Variants in PRKN observed in about 807,000 individuals in gnomAD.
PRKN encodes the protein E3 ubiquitin-protein ligase parkin.
A neutral mutation model predicts 59.5 loss-of-function variants in PRKN; 56 were observed. The observed-to-expected ratio is 0.94, with a 90% CI of 0.76 to 1.18. The LOEUF is 1.18. Among genes scored for constraint, PRKN ranks in the 50% most tolerant of loss-of-function variants. PRKN has a pLI of 0.00. For missense variants in PRKN, 657 were observed against 596.4 expected (o/e 1.10, Z -1.06); for synonymous variants, 250 against 222.1 (o/e 1.13, Z -1.12).
At chr6:162,534,599 T>C (rs866588685) in intron 1 of PRKN, among the ~76,000 whole-genome samples, 6 of 152,076 alleles carry the variant, frequency 3.9e-5, no homozygotes, top group Non-Finnish European at 7.4e-5. Context: ...CTTCAGGGAG[T>C]AATTAAATCA....
rs1178833024 is a variant in PRKN at position 161,410,876 on chromosome 6, C to A, written c.1084-23999G>T. 6.6e-6 allele frequency among the ~76,000 whole-genome samples: 1 copy of A among 152,014 alleles called. No homozygotes were observed. The highest frequency in any genetic ancestry group is 2.4e-5 in the African/African-American group (1 of 41,364). The stretch of plus-strand genomic sequence containing the variant: ...ACCAAGCAAAGCAACTCATCACCTA[C>A]CCATAAGAATAACAGAAAGGGCCAC... On this transcript the variant is annotated intron_variant, in intron 9 of 11. Transcript: ENST00000366898. The surrounding 1 kb of genome is among the most constrained non-coding windows in gnomAD (Gnocchi z 5.3).
rs1369125880 is a variant in PRKN, at chr6:162,273,236, T to C, written c.172-10471A>G. On this transcript the variant is annotated intron_variant, in intron 2 of 11. Transcript: ENST00000366898. ...GTGAAAATGGTTACCTATGAGGGAG[T>C]AGGGAAATGGGTTAAAGGGATCGAA... Among the ~76,000 whole-genome samples, 4 of 151,632 alleles carry C rather than the reference T, an allele frequency of 2.6e-5. No homozygotes were observed. The East Asian group carries it at 7.8e-4, about 29-fold the overall frequency.
intron 1 of PRKN, among the ~76,000 whole-genome samples, chr6:162,675,926 G>C (rs979748715): frequency 1.1e-4 from 16 of 152,102 alleles, no homozygotes; most frequent in African/African-American, 3.9e-4. Context: ...AGATTACTAG[G>C]TTAGAAAGTC....
At position 162,657,596 on chromosome 6, in the gene PRKN, AGTT is replaced by A. The variant is rs575016049; in HGVS notation, c.7+70063_7+70065del. On this transcript the variant is annotated intron_variant, in intron 1 of 11. Coordinates refer to ENST00000366898, the MANE Select transcript of PRKN (RefSeq NM_004562.3). The stretch of plus-strand genomic sequence containing the variant: ...CTAAAGTAGCACCCTGGCATCCAAA[AGTT>A]GTTTTTGCCATATTTTCAATGATAA... Among the ~76,000 whole-genome samples the A allele has an allele frequency of 4.6e-4, 70 of 152,340 alleles. 1 individual carries two copies. In the South Asian group the frequency reaches 0.014, roughly 31 times the overall value.
chr6:162,360,867 T>C (rs1238307675), intron 2 of PRKN, among the ~76,000 whole-genome samples: 1 of 152,166 alleles, frequency 6.6e-6, no homozygotes, highest in Non-Finnish European at 1.5e-5. Context: ...TTAAAAATGG[T>C]AAAAGGATAA....
At chr6:161,660,695 G>T (rs1236220230) in intron 7 of PRKN, among the ~76,000 whole-genome samples, 1 of 152,170 alleles carries the variant, frequency 6.6e-6, no homozygotes, top group South Asian at 2.1e-4. Flanking sequence ...CCTCTCACAA[G>T]TCTGGACTCT....
intron 4 of PRKN, among the ~76,000 whole-genome samples, chr6:162,110,513 G>A (rs1219504981): frequency 2.6e-5 from 4 of 152,116 alleles, no homozygotes; most frequent in East Asian, 3.8e-4. Context: ...AATGGCAAAT[G>A]TAAACAAACA....
chr6:162,558,705 C>T (rs186574290), intron 1 of PRKN, among the ~76,000 whole-genome samples: 106 of 151,578 alleles, frequency 7.0e-4, no homozygotes, highest in African/African-American at 2.5e-3. Flanking sequence ...GTGGAGTGAT[C>T]TTAGCCCATC....
At chr6:161,539,585 A>AT (rs1779545588) in intron 9 of PRKN, among the ~76,000 whole-genome samples, 1 of 152,222 alleles carries the variant, frequency 6.6e-6, no homozygotes, top group Admixed American at 6.5e-5. Flanking sequence ...CATTGCTTTT[A>AT]TTTTTAACAT....
chr6:161,970,401 A>ATG (rs1446911129), intron 6 of PRKN, among the ~76,000 whole-genome samples: 1 of 79,484 alleles, frequency 1.3e-5, no homozygotes, highest in Non-Finnish European at 2.5e-5. Flanking sequence ...ATACGAAACT[A>ATG]TATATATATA....
At chr6:161,485,598 T>C (rs1420116704) in intron 9 of PRKN, among the ~76,000 whole-genome samples, 1 of 152,180 alleles carries the variant, frequency 6.6e-6, no homozygotes, top group Non-Finnish European at 1.5e-5. Context: ...TACGAAGATG[T>C]TTCTAAAATT....
At chr6:162,479,800 G>C (rs1417356602) in intron 1 of PRKN, among the ~76,000 whole-genome samples, 1 of 151,154 alleles carries the variant, frequency 6.6e-6, no homozygotes, top group African/African-American at 2.4e-5. Context: ...AGGCGCAGTG[G>C]CTCACGCCTG....
At chr6:162,464,312 G>A (rs1159920242) in intron 1 of PRKN, among the ~76,000 whole-genome samples, 1 of 152,068 alleles carries the variant, frequency 6.6e-6, no homozygotes, top group Non-Finnish European at 1.5e-5. Flanking sequence ...GTCAACATAT[G>A]AAAATTAAAT....
chr6:162,509,281 T>C (rs1178679669), intron 1 of PRKN, among the ~76,000 whole-genome samples: 1 of 152,166 alleles, frequency 6.6e-6, no homozygotes. Context: ...TGGTATCCAT[T>C]AGGGACCCTT....
intron 6 of PRKN, among the ~76,000 whole-genome samples, chr6:161,874,172 AT>A (rs1794507507): frequency 2.2e-5 from 1 of 44,916 alleles, no homozygotes; most frequent in African/African-American, 1.2e-4. Context: ...ATAATATATA[AT>A]ATATATTATA....
At chr6:162,690,253 T>G (rs1777726837) in intron 1 of PRKN, among the ~76,000 whole-genome samples, 1 of 152,174 alleles carries the variant, frequency 6.6e-6, no homozygotes, top group African/African-American at 2.4e-5. Context: ...GCACTCTGCA[T>G]GCATAAACAG....
In PRKN at chr6:161,498,980, T is replaced by C. The variant is rs1406105780; in HGVS notation, c.1083+49874A>G. Among the ~76,000 whole-genome samples the C allele has an allele frequency of 6.6e-6, 1 of 152,168 alleles. No individual in the cohort carries two copies. The highest frequency in any genetic ancestry group is 1.5e-5 in the Non-Finnish European group (1 of 68,034). ...ATTGAGATTCTTCTTTATCTTCTAC[T>C]GAAGCCCCCGATGCTTTGCAACCTC... On this transcript the variant is annotated intron_variant, in intron 9 of 11. Coordinates refer to ENST00000366898, the MANE Select transcript of PRKN (RefSeq NM_004562.3). The surrounding 1 kb of genome is among the most constrained non-coding windows in gnomAD (Gnocchi z 4.2).
At chr6:161,604,732 C>G (rs952994848) in intron 7 of PRKN, among the ~76,000 whole-genome samples, 2 of 152,086 alleles carry the variant, frequency 1.3e-5, no homozygotes, top group African/African-American at 4.8e-5. Flanking sequence ...AACAGGAGTT[C>G]GAGACCAGCC....
intron 2 of PRKN, among the ~76,000 whole-genome samples, chr6:162,295,325 G>A (rs1781619472): frequency 6.6e-6 from 1 of 152,136 alleles, no homozygotes. Context: ...CATTTATACT[G>A]GGGTTTGACA....
Sources: allele counts gnomAD v4.1 joint callset (sites outside exome capture counted in the v4.1 genomes callset), GRCh38; gene constraint gnomAD v4.1.1; non-coding constraint Gnocchi (gnomAD v3.1); transcripts MANE v1.5; gene names NCBI Gene and HGNC (gene_info 2026-07-23, HGNC 2026-07-21).